Variants in SORCS1 observed in about 807,000 individuals in gnomAD.
The protein encoded by SORCS1 is sortilin related VPS10 domain containing receptor 1, also known as VPS10 domain-containing receptor SorCS1.
A neutral mutation model predicts 146.1 loss-of-function variants in SORCS1; 60 were observed. The observed-to-expected ratio is 0.41, with a 90% CI of 0.33 to 0.51. SORCS1 has a LOEUF of 0.51. Ranked by LOEUF, SORCS1 falls within the 20% of genes least tolerant of loss-of-function variation. The probability of loss-of-function intolerance (pLI) is 0.21; values close to 1 mark genes in which losing one functional copy is unlikely to be tolerated. For synonymous variants in SORCS1, 637 were observed against 584.0 expected (o/e 1.09, Z -1.31); for missense variants, 1,352 against 1,487.6 (o/e 0.91, Z 1.50).
intron 24 of SORCS1, among the ~76,000 whole-genome samples, chr10:106,582,709 A>G (rs1401869363): frequency 6.6e-6 from 1 of 151,990 alleles, no homozygotes; most frequent in Non-Finnish European, 1.5e-5. Context: ...GCCATTATTC[A>G]TGCACAAAGT....
intron 2 of SORCS1, among the ~76,000 whole-genome samples, chr10:106,950,618 T>TAC (rs776716560): frequency 1.3e-5 from 2 of 151,924 alleles, no homozygotes; most frequent in African/African-American, 2.4e-5. Flanking sequence ...TGTATATATA[T>TAC]ACACACAATA....
intron 2 of SORCS1, among the ~76,000 whole-genome samples, chr10:106,896,151 G>T (rs561294179): frequency 6.6e-6 from 1 of 152,052 alleles, no homozygotes; most frequent in African/African-American, 2.4e-5. Context: ...AGTAGAGGCC[G>T]GGTGCAGTGG....
chr10:106,690,056 T>G (rs1483147018), intron 9 of SORCS1, among the ~76,000 whole-genome samples: 3 of 152,216 alleles, frequency 2.0e-5, no homozygotes, highest in Non-Finnish European at 1.5e-5. Context: ...GACCAACTTC[T>G]TGTGCATTGT....
intron 17 of SORCS1, 112 bp from the exon 18 acceptor site, chr10:106,652,665 C>G: frequency 8.5e-7 from 1 of 1,176,980 alleles, no homozygotes; most frequent in Non-Finnish European, 1.2e-6. Context: ...AAGCACCTAA[C>G]CATCTTTCAT....
rs1955211623 is a variant in SORCS1 at position 106,961,296 on chromosome 10, T to C, written c.559-4716A>G. The stretch of plus-strand genomic sequence containing the variant: ...ATCAGTCATGTAACACCTTTGACTA[T>C]GACAGCATGGTTTTATTATTAACAT... On this transcript the variant is annotated intron_variant, in intron 1 of 25. Transcript: ENST00000263054. Among the ~76,000 whole-genome samples the C allele has an allele frequency of 3.3e-5, 5 of 152,236 alleles. No homozygotes were observed. The South Asian group carries it at 1.0e-3, about 32-fold the overall frequency.
intron 2 of SORCS1, among the ~76,000 whole-genome samples, chr10:106,946,842 ACTAT>A (rs2138836733): frequency 6.6e-6 from 1 of 152,348 alleles, no homozygotes; most frequent in Non-Finnish European, 1.5e-5. Flanking sequence ...ATTCCCACTG[ACTAT>A]CTAGTACACT....
At chr10:107,156,712 T>C (rs561571891) in intron 1 of SORCS1, among the ~76,000 whole-genome samples, 3 of 152,356 alleles carry the variant, frequency 2.0e-5, no homozygotes, top group Middle Eastern at 3.4e-3. Context: ...AAAATGTTGA[T>C]TGACACTCTA....
rs1437023867 is a variant in SORCS1 at position 106,706,618 on chromosome 10, C to T, written c.1160G>A (p.Arg387Gln). 12 of 1,613,906 alleles carry T rather than the reference C, an allele frequency of 7.4e-6. No individual in the cohort carries two copies. The highest frequency in any genetic ancestry group is 4.5e-5 in the East Asian group (2 of 44,872). ...YVFVQLTSGG[R>Q]PHYYVSYRRN... is the part of the protein sequence containing the mutation. ...TCGGTAGGACACGTAGTAATGTGGC[C>T]GCCCTCCTGATGTCAGCTGGATCAT... The change falls in exon 8 of 26, where the codon CGG becomes CAG. Residue 387 changes from arginine (R) to glutamine (Q), a missense_variant. Arg to Gln is a conservative substitution (Grantham distance 43). Coordinates refer to ENST00000263054, the MANE Select transcript of SORCS1 (RefSeq NM_052918.5).
chr10:106,746,055 A>G (rs1223221421), intron 5 of SORCS1, among the ~76,000 whole-genome samples: 2 of 152,236 alleles, frequency 1.3e-5, no homozygotes, highest in Non-Finnish European at 2.9e-5. Context: ...CATCAGAGAC[A>G]AGGAAAGACG....
At chr10:107,128,054 A>T (rs952149899) in intron 1 of SORCS1, among the ~76,000 whole-genome samples, 9 of 152,186 alleles carry the variant, frequency 5.9e-5, no homozygotes, top group African/African-American at 2.2e-4. Context: ...ATCTCAACAC[A>T]TTATTTTATT....
chr10:107,148,356 G>C (rs1590241333), intron 1 of SORCS1, among the ~76,000 whole-genome samples: 1 of 152,196 alleles, frequency 6.6e-6, no homozygotes, highest in Non-Finnish European at 1.5e-5. Flanking sequence ...GTTGTAGCAG[G>C]AAAGCAGCCA....
At chr10:106,817,592 G>A (rs765093132) in intron 3 of SORCS1, among the ~76,000 whole-genome samples, 8 of 152,140 alleles carry the variant, frequency 5.3e-5, no homozygotes, top group Middle Eastern at 3.4e-3. Context: ...TTACATAAAC[G>A]ATCTATCAAA....
At chr10:106,971,331 T>G (rs1229093018) in intron 1 of SORCS1, among the ~76,000 whole-genome samples, 3 of 152,190 alleles carry the variant, frequency 2.0e-5, no homozygotes, top group African/African-American at 7.2e-5. Context: ...CTTGCTGACC[T>G]AAGGAATTCC....
At chr10:106,672,169 G>A (rs1851655879) in intron 15 of SORCS1, among the ~76,000 whole-genome samples, 1 of 152,126 alleles carries the variant, frequency 6.6e-6, no homozygotes, top group African/African-American at 2.4e-5. Flanking sequence ...ACTTAGTCTA[G>A]GTTTGAGGTA....
At chr10:107,178,400 G>A in the SORCS1 span, among the ~76,000 whole-genome samples, 2 of 151,822 alleles carry the variant, frequency 1.3e-5, no homozygotes, top group East Asian at 3.9e-4. Flanking sequence ...GTCTTTCTGT[G>A]CCTGGCTTAT....
rs74152250 is a variant in SORCS1 at position 106,864,995 on chromosome 10, C to G, written c.627-35322G>C. ...ACAGAGGTTTCAAACCTCCCTGAGACAGCTCCCAGAGGGAGGGGTGGGCCA... is the reference window on the plus strand; with the variant it reads ...ACAGAGGTTTCAAACCTCCCTGAGAGAGCTCCCAGAGGGAGGGGTGGGCCA... On this transcript the variant is annotated intron_variant, in intron 2 of 25. Coordinates refer to ENST00000263054, the MANE Select transcript of SORCS1 (RefSeq NM_052918.5). Among the ~76,000 whole-genome samples the G allele has an allele frequency of 8.6e-3, 1,305 of 152,178 alleles. 22 individuals are homozygous for G. Among genetic ancestry groups the G allele is most frequent in the African/African-American group, 0.03 (1,236 of 41,532 alleles).
intron 1 of SORCS1, among the ~76,000 whole-genome samples, chr10:107,161,764 T>C (rs1969722396): frequency 6.6e-6 from 1 of 152,230 alleles, no homozygotes; most frequent in Non-Finnish European, 1.5e-5. Context: ...CTGGTCCAGA[T>C]ACGTAGGACT....
chr10:106,845,388 A>AAC (rs1298977237), intron 2 of SORCS1, among the ~76,000 whole-genome samples: 1 of 73,350 alleles, frequency 1.4e-5, no homozygotes, highest in Non-Finnish European at 2.8e-5. Flanking sequence ...TTCTTTTGAG[A>AAC]AGTGTCTGTT....
At chr10:106,836,591 A>G (rs1948800437) in intron 2 of SORCS1, among the ~76,000 whole-genome samples, 1 of 152,068 alleles carries the variant, frequency 6.6e-6, no homozygotes, top group Non-Finnish European at 1.5e-5. Flanking sequence ...GCAGTTAAGG[A>G]GATGTATTCA....
Sources: gnomAD v4.1 joint callset for allele counts (sites outside exome capture counted in the v4.1 genomes callset) on GRCh38, gnomAD v4.1.1 for gene constraint, MANE v1.5 for transcripts, NCBI Gene and HGNC (gene_info 2026-07-23, HGNC 2026-07-21) for gene names.